CNTNAP2: variants seen among roughly 807,000 people sequenced by gnomAD.
CNTNAP2 encodes the protein contactin associated protein 2.
CNTNAP2 carries 98 observed loss-of-function variants against 155.2 expected under a neutral mutation model. The ratio of observed to expected loss-of-function variants is 0.63; its 90% confidence interval spans 0.54 to 0.75. The LOEUF is 0.75. Ranked by LOEUF, CNTNAP2 falls within the 30% of genes least tolerant of loss-of-function variation. The pLI is 0.00. For missense variants in CNTNAP2, 1,727 were observed against 1,688.1 expected (o/e 1.02, Z -0.40); for synonymous variants, 651 against 631.2 (o/e 1.03, Z -0.47).
chr7:147,898,280 T>C (rs559778159), intron 13 of CNTNAP2, among the ~76,000 whole-genome samples: 12 of 152,302 alleles, frequency 7.9e-5, no homozygotes, highest in Non-Finnish European at 1.6e-4. Context: ...ACCCACCTGT[T>C]AACAAAATTA....
intron 3 of CNTNAP2, among the ~76,000 whole-genome samples, chr7:147,009,268 C>G (rs1324196810): frequency 6.6e-6 from 1 of 152,054 alleles, no homozygotes; most frequent in Non-Finnish European, 1.5e-5. Flanking sequence ...GGTCAATGTT[C>G]TGATAATCAT....
At chr7:147,203,652 G>C (rs756558594) in intron 8 of CNTNAP2, among the ~76,000 whole-genome samples, 1 of 152,128 alleles carries the variant, frequency 6.6e-6, no homozygotes, top group Non-Finnish European at 1.5e-5. Context: ...TATTATTAAA[G>C]TAAATACCTT....
chr7:146,566,479 G>A (rs371134169), intron 1 of CNTNAP2, among the ~76,000 whole-genome samples: 3 of 152,036 alleles, frequency 2.0e-5, no homozygotes, highest in African/African-American at 7.3e-5. Context: ...GGAGGCTGAG[G>A]CGGGCGGATC....
chr7:148,035,889 C>A (rs1467311403), intron 15 of CNTNAP2, among the ~76,000 whole-genome samples: 1 of 152,202 alleles, frequency 6.6e-6, no homozygotes, highest in East Asian at 1.9e-4. Flanking sequence ...ACCTCAACTC[C>A]AGTGTGTTCA....
At chr7:147,370,448 A>T (rs529932190) in intron 9 of CNTNAP2, among the ~76,000 whole-genome samples, 1 of 152,300 alleles carries the variant, frequency 6.6e-6, no homozygotes, top group Non-Finnish European at 1.5e-5. Flanking sequence ...TGGCTCAAGA[A>T]AACTGATGGT....
intron 1 of CNTNAP2, among the ~76,000 whole-genome samples, chr7:146,402,794 T>A (rs1358639693): frequency 6.6e-6 from 1 of 152,138 alleles, no homozygotes; most frequent in Non-Finnish European, 1.5e-5. Context: ...TTTGGCAGAT[T>A]TAATAATAAA....
chr7:147,079,608 A>C (rs903150476), intron 4 of CNTNAP2, among the ~76,000 whole-genome samples: 26 of 143,454 alleles, frequency 1.8e-4, no homozygotes, highest in Admixed American at 4.1e-4. Flanking sequence ...AATAATAATG[A>C]TAATAATAAT....
At chr7:147,167,072 C>T (rs1015941351) in intron 8 of CNTNAP2, among the ~76,000 whole-genome samples, 2 of 152,008 alleles carry the variant, frequency 1.3e-5, no homozygotes, top group African/African-American at 4.8e-5. Context: ...TGACAAAAAT[C>T]GGATGGAAAC....
At chr7:146,282,564 T>C (rs1800268292) in intron 1 of CNTNAP2, among the ~76,000 whole-genome samples, 1 of 152,198 alleles carries the variant, frequency 6.6e-6, no homozygotes, top group Non-Finnish European at 1.5e-5. Flanking sequence ...AATGAAGTTT[T>C]AAAAACTGAG....
chr7:146,585,765 G>C (rs7807284), intron 1 of CNTNAP2, among the ~76,000 whole-genome samples: 1 of 145,130 alleles, frequency 6.9e-6, no homozygotes, highest in Admixed American at 6.8e-5. Context: ...AGAAAGAAAG[G>C]AAAGAAAGAA....
In CNTNAP2 at chr7:148,409,827, G is replaced by A. The variant is rs1423134154; in HGVS notation, c.3796+356G>A. On this transcript the variant is annotated intron_variant, in intron 23 of 23. Transcript: ENST00000361727. ...AGCACTTTGGGAGGCCGAGGCGGGC[G>A]GATCACAAGGTCAGGAGATCGAGAC... 3.2e-5 allele frequency among the ~76,000 whole-genome samples: 3 copies of A among 94,470 alleles called. 1 individual carries two copies. The highest frequency in any genetic ancestry group is 2.4e-4 in the East Asian group (1 of 4,156). 62.0% of individuals were successfully genotyped at this position (94,470 alleles called of 152,430 possible). A position where few individuals can be genotyped will look rare whatever the true frequency, so the allele number is the denominator to read the frequency against.
intron 11 of CNTNAP2, among the ~76,000 whole-genome samples, chr7:147,541,413 CAGCAT>C (rs1393078446): frequency 1.3e-5 from 2 of 152,190 alleles, no homozygotes; most frequent in African/African-American, 4.8e-5. Context: ...ACAAAACACT[CAGCAT>C]AGAATATGAC....
intron 1 of CNTNAP2, among the ~76,000 whole-genome samples, chr7:146,699,777 G>A (rs1800843877): frequency 1.3e-5 from 2 of 152,012 alleles, no homozygotes; most frequent in South Asian, 4.1e-4. Flanking sequence ...AGACCAGCCT[G>A]GCCAACACAG....
At chr7:148,349,393 CA>C (rs141308404) in intron 21 of CNTNAP2, among the ~76,000 whole-genome samples, 3 of 143,368 alleles carry the variant, frequency 2.1e-5, no homozygotes, top group African/African-American at 2.6e-5. Flanking sequence ...TTAAAAATTG[CA>C]AAAAAAATCT....
At chr7:148,399,327 G>T (rs2116695976) in intron 22 of CNTNAP2, among the ~76,000 whole-genome samples, 1 of 147,306 alleles carries the variant, frequency 6.8e-6, no homozygotes, top group Admixed American at 6.6e-5. Context: ...AATACGTCTA[G>T]CCAGGCGCAG....
At chr7:147,911,602 C>T (rs998603442) in intron 14 of CNTNAP2, among the ~76,000 whole-genome samples, 1 of 152,146 alleles carries the variant, frequency 6.6e-6, no homozygotes, top group Non-Finnish European at 1.5e-5. Flanking sequence ...AAAGTTCCAA[C>T]CATTTTAAGT....
chr7:147,412,819 A>G (rs920123016), intron 10 of CNTNAP2, among the ~76,000 whole-genome samples: 1 of 152,190 alleles, frequency 6.6e-6, no homozygotes, highest in African/African-American at 2.4e-5. Context: ...GGAAAAATGG[A>G]CTATATAAAC....
intron 1 of CNTNAP2, among the ~76,000 whole-genome samples, chr7:146,568,511 T>A (rs1232727614): frequency 6.6e-6 from 1 of 152,236 alleles, no homozygotes; most frequent in African/African-American, 2.4e-5. Flanking sequence ...CACTTTTTCA[T>A]AAACTATGCT....
intron 23 of CNTNAP2, among the ~76,000 whole-genome samples, chr7:148,411,969 G>A (rs2116720909): frequency 6.6e-6 from 1 of 151,794 alleles, no homozygotes; most frequent in East Asian, 1.9e-4. Context: ...GTTGAGATGG[G>A]AGTCTTGCTT....
Sources: allele counts gnomAD v4.1 joint callset (sites outside exome capture counted in the v4.1 genomes callset), GRCh38; gene constraint gnomAD v4.1.1; transcripts MANE v1.5; gene names NCBI Gene and HGNC (gene_info 2026-07-23, HGNC 2026-07-21).